NCOA1: variants seen among roughly 807,000 people sequenced by gnomAD.
NCOA1 encodes nuclear receptor coactivator 1, also known as Hin-2 protein.
Under a neutral mutation model 150.9 loss-of-function variants are expected in NCOA1, and 35 were observed. The ratio of observed to expected loss-of-function variants is 0.23; its 90% CI spans 0.18 to 0.31. The LOEUF (loss-of-function observed/expected upper bound fraction) is 0.31. NCOA1 is among the 10% of genes least tolerant of loss of function. The pLI is 1.00. For missense variants in NCOA1, 1,491 were observed against 1,749.3 expected, an observed-to-expected ratio of 0.85 and a Z score of 2.63; for synonymous variants, 590 against 630.0, an observed-to-expected ratio of 0.94 and a Z score of 0.95.
At chr2:24,680,056 G>A (rs1672093890) in intron 7 of NCOA1, among the ~76,000 whole-genome samples, 1 of 151,992 alleles carries the variant, frequency 6.6e-6, no homozygotes, top group South Asian at 2.1e-4. Context: ...TCATCTGTTG[G>A]CAGACACTTA....
At chr2:24,759,581 A>G (rs918033201) in intron 21 of NCOA1, among the ~76,000 whole-genome samples, 4 of 152,204 alleles carry the variant, frequency 2.6e-5, no homozygotes, top group Non-Finnish European at 2.9e-5. Context: ...TATAGTTGCT[A>G]TTCTCATTAT....
intron 1 of NCOA1, among the ~76,000 whole-genome samples, chr2:24,501,415 G>A (rs1267643624): frequency 2.0e-5 from 3 of 152,142 alleles, no homozygotes. Context: ...GTCACCAAAA[G>A]TAGTGAGTGG....
intron 16 of NCOA1, 100 bp downstream of exon 16, chr2:24,728,576 C>G: frequency 1.0e-6 from 1 of 990,440 alleles, no homozygotes; most frequent in Non-Finnish European, 1.4e-6. Flanking sequence ...TATGCTTTAG[C>G]TGTTTTATAA....
At chr2:24,589,620 A>G (rs1157407655) in intron 3 of NCOA1, among the ~76,000 whole-genome samples, 1 of 139,538 alleles carries the variant, frequency 7.2e-6, no homozygotes, top group Admixed American at 7.3e-5. Flanking sequence ...GGGAGAGGAA[A>G]GAGGTTGGTG....
intron 12 of NCOA1, 22 bp downstream of exon 12, chr2:24,705,255 T>C: frequency 6.2e-7 from 1 of 1,610,370 alleles, no homozygotes; most frequent in Non-Finnish European, 8.5e-7. Context: ...TTGGAGAGCT[T>C]CATATGAAAT....
chr2:24,588,717 TAGG>T (rs1314104478), intron 3 of NCOA1, among the ~76,000 whole-genome samples: 1 of 152,174 alleles, frequency 6.6e-6, no homozygotes, highest in Non-Finnish European at 1.5e-5. Flanking sequence ...AGGTCTTTAG[TAGG>T]AGAAGAGGTA....
chr2:24,550,187 G>A (rs1254889284), intron 1 of NCOA1, among the ~76,000 whole-genome samples: 2 of 152,072 alleles, frequency 1.3e-5, no homozygotes, highest in Non-Finnish European at 2.9e-5. Context: ...CTCTTCTTCT[G>A]AGCACTTCAA....
At chr2:24,499,493 C>A (rs1242695531) in intron 1 of NCOA1, among the ~76,000 whole-genome samples, 1 of 151,892 alleles carries the variant, frequency 6.6e-6, no homozygotes, top group Non-Finnish European at 1.5e-5. Context: ...TCTTAGTGTA[C>A]TTCTTTTCCA....
intron 14 of NCOA1, among the ~76,000 whole-genome samples, chr2:24,722,169 T>G (rs981689664): frequency 6.6e-6 from 1 of 152,200 alleles, no homozygotes; most frequent in Non-Finnish European, 1.5e-5. Context: ...AACCAGGATT[T>G]AAATCTCAAT....
intron 21 of NCOA1, among the ~76,000 whole-genome samples, chr2:24,762,442 A>G (rs1222477643): frequency 6.6e-6 from 1 of 152,246 alleles, no homozygotes; most frequent in African/African-American, 2.4e-5. Flanking sequence ...ACACCTGAGT[A>G]CCACTCAGAT....
At chr2:24,580,416 C>T (rs1238957382) in intron 2 of NCOA1, among the ~76,000 whole-genome samples, 5 of 152,062 alleles carry the variant, frequency 3.3e-5, no homozygotes, top group Non-Finnish European at 5.9e-5. Context: ...AGCGTTAGAT[C>T]TTTTGTTAGG....
At chr2:24,509,468 G>A (rs918384949) in intron 1 of NCOA1, among the ~76,000 whole-genome samples, 3 of 152,228 alleles carry the variant, frequency 2.0e-5, no homozygotes, top group South Asian at 2.1e-4. Flanking sequence ...AGTACGCTGG[G>A]ATGACCATTC....
intron 7 of NCOA1, among the ~76,000 whole-genome samples, chr2:24,678,212 A>G (rs776551443): frequency 8.5e-5 from 13 of 152,232 alleles, no homozygotes; most frequent in African/African-American, 2.2e-4. Context: ...GCAAAGGACC[A>G]TGATCTCATC....
At chr2:24,668,159 GA>G (rs1671515027) in intron 6 of NCOA1, among the ~76,000 whole-genome samples, 1 of 151,908 alleles carries the variant, frequency 6.6e-6, no homozygotes, top group African/African-American at 2.4e-5. Context: ...GAAAATGAGA[GA>G]AAAAATAAGA....
chr2:24,669,403 C>T (rs745937717), intron 6 of NCOA1, among the ~76,000 whole-genome samples: 5 of 152,148 alleles, frequency 3.3e-5, no homozygotes, highest in Non-Finnish European at 7.4e-5. Flanking sequence ...GCTTCTTTTC[C>T]ATTACAGATA....
intron 1 of NCOA1, among the ~76,000 whole-genome samples, chr2:24,511,450 A>G (rs1046451154): frequency 2.6e-5 from 4 of 152,308 alleles, no homozygotes; most frequent in Admixed American, 2.0e-4. Context: ...GCATCTCACT[A>G]TAATTGTTGA....
intron 5 of NCOA1, among the ~76,000 whole-genome samples, chr2:24,660,162 A>G (rs992845930): frequency 6.6e-6 from 1 of 152,228 alleles, no homozygotes; most frequent in African/African-American, 2.4e-5. Flanking sequence ...GATGCAATCT[A>G]GAAGTGTGTC....
At chr2:24,659,308 A>G (rs184772506) in intron 5 of NCOA1, among the ~76,000 whole-genome samples, 15 of 152,314 alleles carry the variant, frequency 9.8e-5, no homozygotes, top group East Asian at 1.9e-4. Context: ...TTTAATTGCT[A>G]TCTTAGAACA....
At chr2:24,728,594 C>A in intron 16 of NCOA1, 118 bp downstream of exon 16, 1 of 750,600 alleles carries the variant, frequency 1.3e-6, no homozygotes, top group Non-Finnish European at 1.9e-6. Flanking sequence ...TAATTTACCT[C>A]TTGTGAAACT....
Sources: allele counts gnomAD v4.1 joint callset (sites outside exome capture counted in the v4.1 genomes callset), GRCh38; gene constraint gnomAD v4.1.1; transcripts MANE v1.5; gene names NCBI Gene and HGNC (gene_info 2026-07-23, HGNC 2026-07-21).